The following PLEK variants were observed in gnomAD, a reference collection of about 807,000 sequenced individuals.
PLEK encodes platelet 47 kDa protein.
A neutral mutation model predicts 43.9 loss-of-function variants in PLEK; 25 were observed. The ratio of observed to expected loss-of-function variants is 0.57; its 90% CI spans 0.41 to 0.79. PLEK has a LOEUF of 0.79. Ranked by LOEUF, PLEK falls within the 30% of genes least tolerant of loss-of-function variation. The probability of loss-of-function intolerance (pLI) is 0.00; values close to 1 mark genes in which losing one functional copy is unlikely to be tolerated. For missense variants in PLEK, 396 were observed against 413.3 expected, an observed-to-expected ratio of 0.96 and a Z score of 0.36; for synonymous variants, 152 against 144.4, an observed-to-expected ratio of 1.05 and a Z score of -0.38.
At position 68,380,753 on chromosome 2, in the gene PLEK, C is replaced by A. The variant is rs572856115; in HGVS notation, c.229C>A (p.Gln77Lys). ...FVFKITTTKQ[Q>K]DHFFQAAFLE... ...GTTTAAGATCACTACGACCAAACAG[C>A]AGGACCACTTCTTCCAGGCAGCCTT... Residue 77 changes from glutamine to lysine, a missense_variant, in exon 3 of 9, where the codon CAG (glutamine) becomes AAG (lysine). Physicochemically the swap from Gln to Lys is moderately conservative, Grantham distance 53 (BLOSUM62 1). Coordinates refer to ENST00000234313, the MANE Select transcript of PLEK (RefSeq NM_002664.3). 1 of 1,613,810 alleles carries A rather than the reference C, an allele frequency of 6.2e-7. No homozygotes were observed. Among genetic ancestry groups the A allele is most frequent in the African/African-American group, 1.3e-5 (1 of 74,900 alleles).
chr2:68,375,398 T>C (rs958386922), intron 1 of PLEK, among the ~76,000 whole-genome samples: 2 of 152,214 alleles, frequency 1.3e-5, no homozygotes, highest in Non-Finnish European at 2.9e-5. Flanking sequence ...TTCTTATTGA[T>C]TTGCAGGAGT....
intron 1 of PLEK, among the ~76,000 whole-genome samples, 198 bp from the exon 2 acceptor site, chr2:68,380,130 C>A (rs1354629250): frequency 1.3e-5 from 2 of 152,074 alleles, no homozygotes; most frequent in African/African-American, 4.8e-5. Context: ...TTGGCTTGAG[C>A]AAAGAGCCGG....
At chr2:68,368,606 T>A (rs1673328744) in intron 1 of PLEK, among the ~76,000 whole-genome samples, 1 of 152,200 alleles carries the variant, frequency 6.6e-6, no homozygotes, top group Admixed American at 6.5e-5. Flanking sequence ...TCAGCCTCCT[T>A]TCCTCTCTGT....
chr2:68,393,249 AGGTCCTGT>A lies in PLEK; in HGVS notation c.846+8_846+15del, dbSNP rs1673895372. On this transcript the variant is annotated splice_donor_5th_base_variant and intron_variant, in intron 7 of 8. Coordinates refer to ENST00000234313, the MANE Select transcript of PLEK (RefSeq NM_002664.3). ...GCACTACTATGACCCTGCTGGGGTAAGGTCCTGTGGTTCATAAATCCATTCAAATAAAT... is the reference window on the plus strand; with the variant it reads ...GCACTACTATGACCCTGCTGGGGTAAGGTTCATAAATCCATTCAAATAAAT... The A allele has an allele frequency of 6.3e-7, 1 of 1,578,894 alleles. No homozygotes were observed. Among genetic ancestry groups the A allele is most frequent in the African/African-American group, 1.3e-5 (1 of 74,216 alleles).
intron 6 of PLEK, among the ~76,000 whole-genome samples, chr2:68,391,746 A>T (rs967507039): frequency 2.0e-5 from 3 of 152,362 alleles, no homozygotes; most frequent in South Asian, 2.1e-4. Context: ...ATTTGTATAC[A>T]TGCTTGCCAA....
chr2:68,388,545 T>A lies in PLEK; in HGVS notation c.762+54T>A, dbSNP rs1445509283. On this transcript the variant is annotated intron_variant, in intron 6 of 8. Transcript: ENST00000234313. The stretch of plus-strand genomic sequence containing the variant: ...CCTTTTCCCTTTACAAGGTCCTTTT[T>A]GTTTCTAAGTTACCCAGTGACTTTT... 3 of 917,834 alleles carry A rather than the reference T, an allele frequency of 3.3e-6. No homozygotes were observed. The East Asian group carries it at 7.3e-5, about 22-fold the overall frequency. The allele number at this position is 917,834 out of a possible 1,614,324, so 56.9% of individuals were successfully genotyped here.
rs535450697 is a variant in PLEK at position 68,380,578 on chromosome 2, G to A, written c.198+95G>A. The A allele has an allele frequency of 1.9e-5, 27 of 1,435,844 alleles. No homozygotes were observed. In the African/African-American group the frequency reaches 2.4e-4, roughly 13 times the overall value. The allele number at this position is 1,435,844 out of a possible 1,614,324, so 88.9% of individuals were successfully genotyped here. A position where few individuals can be genotyped will look rare whatever the true frequency, so the allele number is the denominator to read the frequency against. On this transcript the variant is annotated intron_variant, in intron 2 of 8. Coordinates refer to ENST00000234313, the MANE Select transcript of PLEK (RefSeq NM_002664.3). ...CAATGTGGGTGGTGCTCCTTGGGCT[G>A]GTCCCTCTCACCACCACCCACACCC...
intron 1 of PLEK, among the ~76,000 whole-genome samples, chr2:68,379,850 C>A (rs919376078): frequency 6.6e-6 from 1 of 152,042 alleles, no homozygotes; most frequent in East Asian, 1.9e-4. Context: ...AAGGAAAGTA[C>A]CTGATAATGT....
chr2:68,389,262 G>C (rs1284311008), intron 6 of PLEK, among the ~76,000 whole-genome samples: 1 of 152,228 alleles, frequency 6.6e-6, no homozygotes, highest in African/African-American at 2.4e-5. Flanking sequence ...GAAGCTAGTT[G>C]ATACTTGCAC....
chr2:68,374,511 T>C (rs1229038398), intron 1 of PLEK, among the ~76,000 whole-genome samples: 3 of 152,202 alleles, frequency 2.0e-5, no homozygotes, highest in Admixed American at 2.0e-4. Flanking sequence ...TAACAGGACC[T>C]GGAGTTAACA....
chr2:68,380,555 A>G, intron 2 of PLEK, 72 bp downstream of exon 2: 3 of 1,502,848 alleles, frequency 2.0e-6, no homozygotes, highest in Non-Finnish European at 2.7e-6. Context: ...ATTGCCTACA[A>G]TGTGGGTGGT....
In PLEK at chr2:68,380,477, A is replaced by G; in HGVS notation, c.192A>G (p.Lys64=). The G allele has an allele frequency of 1.2e-6, 2 of 1,613,358 alleles. No homozygotes were observed. Among genetic ancestry groups the G allele is most frequent in the Non-Finnish European group, 1.7e-6 (2 of 1,179,626 alleles). ...CTAGCCCTTGTCAAGACTTTGGCAA[A>G]AGGATGGTAAGTTGACATCATGAGC... ...TLTSPCQDFG[K]RMFVFKITTT... is the part of the protein sequence containing the mutation. The change falls in exon 2 of 9, where the codon AAA becomes AAG. Residue 64 remains lysine, a synonymous_variant. Coordinates refer to ENST00000234313, the MANE Select transcript of PLEK (RefSeq NM_002664.3).
At chr2:68,382,106 A>G (rs182684623) in intron 3 of PLEK, among the ~76,000 whole-genome samples, 110 of 152,336 alleles carry the variant, frequency 7.2e-4, no homozygotes, top group Admixed American at 1.9e-3. Flanking sequence ...TTAAAGGCCA[A>G]TGTCTACCAC....
At position 68,380,708 on chromosome 2, in the gene PLEK, T is replaced by C. The variant is rs377226279; in HGVS notation, c.199-15T>C. ...GAAATAAGCCATTTCTAATGGGATGTGTTTTGATTTTCAGTTTGTGTTTAA... is the reference window on the plus strand; with the variant it reads ...GAAATAAGCCATTTCTAATGGGATGCGTTTTGATTTTCAGTTTGTGTTTAA... On this transcript the variant is annotated splice_polypyrimidine_tract_variant and intron_variant, in intron 2 of 8. Transcript: ENST00000234313. 73 of 1,610,924 alleles carry C rather than the reference T, an allele frequency of 4.5e-5. 1 individual carries two copies. In the African/African-American group the frequency reaches 8.8e-4, roughly 19 times the overall value.
intron 1 of PLEK, among the ~76,000 whole-genome samples, chr2:68,377,913 C>T (rs746578987): frequency 2.6e-5 from 4 of 152,108 alleles, no homozygotes; most frequent in African/African-American, 4.8e-5. Context: ...TAATTACCAC[C>T]GTTCATTCCA....
intron 1 of PLEK, among the ~76,000 whole-genome samples, chr2:68,378,375 A>G (rs927583943): frequency 6.6e-6 from 1 of 152,230 alleles, no homozygotes; most frequent in Non-Finnish European, 1.5e-5. Flanking sequence ...TCATACAATA[A>G]TGGAGGAGGC....
chr2:68,393,659 C>T (rs949004337), intron 7 of PLEK, among the ~76,000 whole-genome samples: 1 of 152,124 alleles, frequency 6.6e-6, no homozygotes, highest in Non-Finnish European at 1.5e-5. Flanking sequence ...CTTTTTCCAC[C>T]ATAAAATGAA....
intron 1 of PLEK, among the ~76,000 whole-genome samples, chr2:68,370,215 A>G (rs1673372358): frequency 1.3e-5 from 2 of 152,244 alleles, no homozygotes; most frequent in African/African-American, 4.8e-5. Context: ...TTGTATGTGA[A>G]AAGAGAAATT....
chr2:68,392,920 G>A (rs1410996067), intron 6 of PLEK, among the ~76,000 whole-genome samples: 2 of 152,094 alleles, frequency 1.3e-5, no homozygotes, highest in Non-Finnish European at 2.9e-5. Context: ...TACTAAAACT[G>A]GAAGACAATA....
Sources: gnomAD v4.1 joint callset for allele counts (sites outside exome capture counted in the v4.1 genomes callset) on GRCh38, gnomAD v4.1.1 for gene constraint, MANE v1.5 for transcripts, NCBI Gene and HGNC (gene_info 2026-07-23, HGNC 2026-07-21) for gene names.